The following ME3 variants were observed in gnomAD, a reference collection of about 807,000 sequenced individuals.
ME3 encodes malic enzyme 3.
Under a neutral mutation model 68.9 loss-of-function variants are expected in ME3, and 48 were observed. The ratio of observed to expected loss-of-function variants is 0.70; its 90% CI spans 0.55 to 0.89. The LOEUF (loss-of-function observed/expected upper bound fraction) is 0.89. Among genes scored for constraint, ME3 ranks in the 40% least tolerant of loss-of-function variants. The pLI, the probability that ME3 is intolerant of heterozygous loss-of-function variation, is 0.00. For synonymous variants in ME3, 320 were observed against 318.8 expected (o/e 1.00, Z -0.04); for missense variants, 675 against 797.4 (o/e 0.85, Z 1.85).
chr11:86,597,651 T>G (rs1305904537), intron 2 of ME3, among the ~76,000 whole-genome samples: 1 of 152,182 alleles, frequency 6.6e-6, no homozygotes, highest in Non-Finnish European at 1.5e-5. Flanking sequence ...AAAGTATATC[T>G]TGCTACTATT....
At chr11:86,451,895 C>T (rs569639005) in intron 8 of ME3, among the ~76,000 whole-genome samples, 3 of 152,312 alleles carry the variant, frequency 2.0e-5, no homozygotes, top group South Asian at 2.1e-4. Flanking sequence ...TTAACATGTA[C>T]TCAACCACTC....
chr11:86,562,917 G>T (rs1280665721), intron 2 of ME3, among the ~76,000 whole-genome samples: 1 of 152,016 alleles, frequency 6.6e-6, no homozygotes, highest in African/African-American at 2.4e-5. Flanking sequence ...GCGATAACAT[G>T]TGGTATTTGG....
At chr11:86,607,556 A>C (rs1004792174) in intron 2 of ME3, among the ~76,000 whole-genome samples, 4 of 150,766 alleles carry the variant, frequency 2.7e-5, no homozygotes, top group African/African-American at 9.8e-5. Context: ...TCCTTCCTGT[A>C]AAGTCTTGCA....
intron 7 of ME3, among the ~76,000 whole-genome samples, chr11:86,484,525 C>G (rs940143306): frequency 6.6e-6 from 1 of 152,212 alleles, no homozygotes; most frequent in Admixed American, 6.5e-5. Context: ...ATCCCGCCCC[C>G]CGCTCCCGGA....
chr11:86,630,241 GA>G (rs1171206879), intron 2 of ME3, among the ~76,000 whole-genome samples: 3 of 152,152 alleles, frequency 2.0e-5, no homozygotes, highest in Non-Finnish European at 4.4e-5. Flanking sequence ...TCAATAAAGG[GA>G]AAAAGCAAGC....
At chr11:86,447,169 G>A in exon 12 of ME3, 1 of 1,614,222 alleles carries the variant, frequency 6.2e-7, no homozygotes, top group South Asian at 1.1e-5. Context: ...ATGTCCCTCA[G>A]AATCTGCTCC....
chr11:86,469,502 G>T (rs1160113283), intron 7 of ME3, among the ~76,000 whole-genome samples: 1 of 152,120 alleles, frequency 6.6e-6, no homozygotes, highest in Non-Finnish European at 1.5e-5. Flanking sequence ...CCCTACTCAG[G>T]GCTCTGGGCA....
intron 2 of ME3, among the ~76,000 whole-genome samples, chr11:86,601,673 T>C (rs1189449062): frequency 2.0e-5 from 3 of 151,810 alleles, no homozygotes; most frequent in Non-Finnish European, 2.9e-5. Flanking sequence ...TAGACCGATA[T>C]CCTTGATGAA....
At chr11:86,437,940 A>G (rs1433250607), downstream of ME3, among the ~76,000 whole-genome samples, 1 of 152,132 alleles carries the variant, frequency 6.6e-6, no homozygotes, top group Non-Finnish European at 1.5e-5. Flanking sequence ...TCAAGGCAGT[A>G]TTACTCTTTC....
intron 4 of ME3, among the ~76,000 whole-genome samples, chr11:86,528,398 A>T (rs1484262576): frequency 6.6e-6 from 1 of 152,166 alleles, no homozygotes; most frequent in Non-Finnish European, 1.5e-5. Flanking sequence ...CTCCCACACA[A>T]TAATAATGGG....
At chr11:86,491,229 C>T (rs1013542938) in intron 6 of ME3, among the ~76,000 whole-genome samples, 29 of 152,196 alleles carry the variant, frequency 1.9e-4, no homozygotes, top group African/African-American at 6.8e-4. Flanking sequence ...TTTAAATAAA[C>T]TGCCCAAGCT....
chr11:86,487,164 C>T (rs1951742263), intron 7 of ME3, among the ~76,000 whole-genome samples, 173 bp downstream of exon 7: 1 of 152,168 alleles, frequency 6.6e-6, no homozygotes, highest in South Asian at 2.1e-4. Context: ...AGAGAATGAG[C>T]CCATTTGGTG....
At chr11:86,642,987 T>C (rs1316160449) in intron 2 of ME3, among the ~76,000 whole-genome samples, 1 of 143,286 alleles carries the variant, frequency 7.0e-6, no homozygotes, top group Non-Finnish European at 1.5e-5. Context: ...ATATAAGGTT[T>C]CTATTAGTTT....
At chr11:86,479,191 T>G (rs1951252223) in intron 7 of ME3, among the ~76,000 whole-genome samples, 1 of 152,170 alleles carries the variant, frequency 6.6e-6, no homozygotes, top group African/African-American at 2.4e-5. Flanking sequence ...ACCCATCTTC[T>G]CCGGCCCTTG....
At chr11:86,500,303 C>T (rs1212610081) in intron 5 of ME3, among the ~76,000 whole-genome samples, 1 of 152,258 alleles carries the variant, frequency 6.6e-6, no homozygotes, top group African/African-American at 2.4e-5. Context: ...CTGTTATCCC[C>T]ACAACCCTAG....
intron 2 of ME3, among the ~76,000 whole-genome samples, chr11:86,597,910 G>A (rs965052555): frequency 2.6e-5 from 4 of 151,986 alleles, no homozygotes; most frequent in African/African-American, 4.8e-5. Context: ...AAGTCTATAG[G>A]CAGATTTAAA....
chr11:86,475,874 T>TATATATATAGAGAGAGAGAGAG, intron 7 of ME3, among the ~76,000 whole-genome samples: 21 of 91,472 alleles, frequency 2.3e-4, no homozygotes, highest in African/African-American at 5.0e-4. Flanking sequence ...TATATATATA[T>TATATATATAGAGAGAGAGAGAG]AGAGAGAGAG....
At position 86,457,779 on chromosome 11, in the gene ME3, AAG is replaced by A. The variant is rs1173637247; in HGVS notation, c.919+7310_919+7311del. 2.4e-6 allele frequency: 3 copies of A among 1,262,764 alleles called. No homozygotes were observed. The African/African-American group carries it at 4.6e-5, about 19-fold the overall frequency. The allele number at this position is 1,262,764 out of a possible 1,614,324, so 78.2% of individuals were successfully genotyped here. On this transcript the variant is annotated intron_variant, in intron 8 of 14. Coordinates refer to ENST00000543262, the Ensembl canonical transcript of ME3. ...TTGTTCCTATTCATGGTAAAAGAAA[AAG>A]AAGTTTTTTTTTCCAGAGGGAGATT...
intron 4 of ME3, among the ~76,000 whole-genome samples, chr11:86,543,975 C>A (rs1236107419): frequency 6.7e-6 from 1 of 148,644 alleles, no homozygotes; most frequent in African/African-American, 2.5e-5. Context: ...ACAGTGCAAT[C>A]AAATCAGAAC....
Sources: gnomAD v4.1 joint callset for allele counts (sites outside exome capture counted in the v4.1 genomes callset) on GRCh38, gnomAD v4.1.1 for gene constraint, MANE v1.5 for transcripts, NCBI Gene and HGNC (gene_info 2026-07-23, HGNC 2026-07-21) for gene names.